The following CNTN3 variants were observed in gnomAD, a reference collection of about 807,000 sequenced individuals.
CNTN3 encodes contactin 3, also known as contactin-3.
In CNTN3, 60 loss-of-function variants were observed where a neutral mutation model predicts 119.1. The observed-to-expected ratio is 0.50, with a 90% CI of 0.41 to 0.62. The LOEUF (loss-of-function observed/expected upper bound fraction) is 0.62, where lower values mean the gene tolerates loss of function less well. CNTN3 is among the 20% of genes least tolerant of loss of function. CNTN3 has a pLI of 0.00. For missense variants in CNTN3, 1,101 were observed against 1,242.4 expected (o/e 0.89, Z 1.71); for synonymous variants, 450 against 438.7 (o/e 1.03, Z -0.32).
At chr3:74,295,041 T>C (rs890501882) in intron 19 of CNTN3, 80 bp downstream of exon 19, 17 of 891,698 alleles carry the variant, frequency 1.9e-5, no homozygotes, top group African/African-American at 3.3e-5. Context: ...AAATAAGAGG[T>C]CATTGTTAAG....
chr3:74,500,378 G>GA (rs894538498), intron 2 of CNTN3, among the ~76,000 whole-genome samples: 102 of 146,846 alleles, frequency 6.9e-4, no homozygotes, highest in Middle Eastern at 3.5e-3. Flanking sequence ...TCCACATAGA[G>GA]AAAAAAAAAC....
chr3:74,266,456 T>C, intron 22 of CNTN3, 25 bp downstream of exon 22: 1 of 1,607,928 alleles, frequency 6.2e-7, no homozygotes, highest in Middle Eastern at 1.7e-4. Context: ...GTCAATAAAG[T>C]AAATAATGGC....
At chr3:74,270,929 T>C (rs773981894) in intron 20 of CNTN3, among the ~76,000 whole-genome samples, 1 of 152,212 alleles carries the variant, frequency 6.6e-6, no homozygotes, top group Non-Finnish European at 1.5e-5. Context: ...TAGATTTATA[T>C]CACAACACTA....
chr3:74,592,841 A>G (rs188324381), intron 1 of CNTN3, among the ~76,000 whole-genome samples: 62 of 152,086 alleles, frequency 4.1e-4, no homozygotes, highest in African/African-American at 1.4e-3. Context: ...TTTGTTGTGT[A>G]AACTCCCCAA....
In CNTN3 at chr3:74,267,317, A is replaced by G. The variant is rs541989268; in HGVS notation, c.2766T>C (p.Asn922=). 7 of 1,613,452 alleles carry G rather than the reference A, an allele frequency of 4.3e-6. No homozygotes were observed. The highest frequency in any genetic ancestry group is 2.2e-5 in the East Asian group (1 of 44,848). The change falls in exon 21 of 23, where the codon AAT becomes AAC. Residue 922 remains asparagine (N), a synonymous_variant. Transcript: ENST00000263665. ...WNATDTKVLL[N]WEQVKAMENE... is the part of the protein sequence containing the mutation. ...TCTCCATGGCTTTAACTTGCTCCCA[A>G]TTAAGTAACACTTTAGTGTCTGTGG... is the stretch of plus-strand genomic sequence containing the variant.
chr3:74,586,176 T>C (rs1376735876), intron 1 of CNTN3, among the ~76,000 whole-genome samples: 9 of 152,128 alleles, frequency 5.9e-5, no homozygotes, highest in Admixed American at 3.3e-4. Context: ...CCCCAGGCAA[T>C]TATTTTTCTA....
chr3:74,460,742 A>G (rs1702349418), intron 4 of CNTN3, among the ~76,000 whole-genome samples: 2 of 146,394 alleles, frequency 1.4e-5, no homozygotes, highest in Admixed American at 1.4e-4. Context: ...GTTACCATCT[A>G]AAAGTAGAGA....
At chr3:74,397,903 G>A (rs531026272) in intron 5 of CNTN3, among the ~76,000 whole-genome samples, 1 of 152,290 alleles carries the variant, frequency 6.6e-6, no homozygotes, top group Non-Finnish European at 1.5e-5. Flanking sequence ...CTGAGATGTG[G>A]TGGAAATAAC....
intron 13 of CNTN3, 119 bp downstream of exon 13, chr3:74,334,616 C>G: frequency 2.2e-6 from 2 of 918,092 alleles, no homozygotes; most frequent in Non-Finnish European, 3.2e-6. Context: ...ACCACTCAAC[C>G]AAAACCACTT....
At position 74,369,243 on chromosome 3, in the gene CNTN3, T is replaced by C. The variant is rs369817772; in HGVS notation, c.892A>G (p.Ile298Val). Residue 298 changes from isoleucine to valine, a missense_variant, in exon 8 of 23, where the codon ATT (isoleucine) becomes GTT (valine). By Grantham distance (29) the Ile-to-Val change is conservative (BLOSUM62 3). Transcript: ENST00000263665. ...QQEDAGSYECIAENSRGKNVA... is the reference protein window; with the variant it reads ...QQEDAGSYECVAENSRGKNVA... ...TTTTTTCCTCGTGAATTCTCAGCAA[T>C]GCATTCATAGGAACCTGCATCTTCC... is the stretch of plus-strand genomic sequence containing the variant. 10 of 1,611,006 alleles carry C rather than the reference T, an allele frequency of 6.2e-6. No individual in the cohort carries two copies. In the African/African-American group the frequency reaches 1.2e-4, roughly 19 times the overall value.
intron 1 of CNTN3, among the ~76,000 whole-genome samples, chr3:74,530,392 A>G (rs1428935901): frequency 6.6e-6 from 1 of 151,904 alleles, no homozygotes; most frequent in African/African-American, 2.4e-5. Flanking sequence ...CCAGAGACTG[A>G]GTAGAGGATT....
In CNTN3 at chr3:74,502,955, C is replaced by A. The variant is rs912223126; in HGVS notation, c.56-3170G>T. Among the ~76,000 whole-genome samples the A allele has an allele frequency of 2.3e-4, 35 of 152,248 alleles. 1 individual carries two copies. Among genetic ancestry groups the A allele is most frequent in the African/African-American group, 7.2e-4 (30 of 41,560 alleles). ...TTAGAACACAGTAGATATTCAATATCTGTCTGTAGAATGAATAAGATGAAT... is the reference window on the plus strand; with the variant it reads ...TTAGAACACAGTAGATATTCAATATATGTCTGTAGAATGAATAAGATGAAT... On this transcript the variant is annotated intron_variant, in intron 2 of 22. Coordinates refer to ENST00000263665, the MANE Select transcript of CNTN3 (RefSeq NM_020872.3).
At chr3:74,375,633 G>A (rs1220584790) in intron 5 of CNTN3, among the ~76,000 whole-genome samples, 1 of 152,048 alleles carries the variant, frequency 6.6e-6, no homozygotes, top group East Asian at 1.9e-4. Context: ...AACCAGGTAT[G>A]GTAGTCAGAG....
intron 13 of CNTN3, among the ~76,000 whole-genome samples, chr3:74,323,745 T>C (rs1703054901): frequency 6.6e-6 from 1 of 152,216 alleles, no homozygotes; most frequent in Non-Finnish European, 1.5e-5. Context: ...TCCCCTTTTT[T>C]TGACTTCAGG....
At chr3:74,465,938 G>A (rs144596984) in intron 4 of CNTN3, among the ~76,000 whole-genome samples, 2 of 152,258 alleles carry the variant, frequency 1.3e-5, no homozygotes, top group African/African-American at 4.8e-5. Flanking sequence ...GAGATGGAGA[G>A]ATACCAAGGC....
chr3:74,587,074 A>C (rs766487235), intron 1 of CNTN3, among the ~76,000 whole-genome samples: 15 of 152,052 alleles, frequency 9.9e-5, no homozygotes, highest in Non-Finnish European at 2.1e-4. Flanking sequence ...GTCAAAAAGA[A>C]TTAATTTTAT....
intron 1 of CNTN3, among the ~76,000 whole-genome samples, chr3:74,583,937 C>T (rs185824778): frequency 6.6e-5 from 10 of 152,210 alleles, no homozygotes; most frequent in Admixed American, 5.2e-4. Flanking sequence ...GTCCCTGGTT[C>T]TTATCTTGAA....
At position 74,466,720 on chromosome 3, in the gene CNTN3, T is replaced by A. The variant is rs114038393; in HGVS notation, c.358+19736A>T. 1.4e-3 allele frequency among the ~76,000 whole-genome samples: 213 copies of A among 152,180 alleles called. 2 individuals carry two copies. The East Asian group carries it at 0.019, about 14-fold the overall frequency. On this transcript the variant is annotated intron_variant, in intron 4 of 22. Transcript: ENST00000263665. ...TTTCAGTGAATGCATTAAAACAAAT[T>A]TAATAACTTGAGACTGTATTTAACA...
At chr3:74,362,093 G>T in intron 10 of CNTN3, 53 bp from the exon 11 acceptor site, 1 of 1,587,144 alleles carries the variant, frequency 6.3e-7, no homozygotes, top group Non-Finnish European at 8.6e-7. Flanking sequence ...AAAACTTCTT[G>T]TCAATTTCAA....
Sources: gnomAD v4.1 joint callset for allele counts (sites outside exome capture counted in the v4.1 genomes callset) on GRCh38, gnomAD v4.1.1 for gene constraint, MANE v1.5 for transcripts, NCBI Gene and HGNC (gene_info 2026-07-23, HGNC 2026-07-21) for gene names.